RASGRF1: variants seen among roughly 807,000 people sequenced by gnomAD.
The protein encoded by RASGRF1 is Ras protein specific guanine nucleotide releasing factor 1.
Under a neutral mutation model 138.7 loss-of-function variants are expected in RASGRF1, and 40 were observed. The ratio of observed to expected loss-of-function variants is 0.29; its 90% CI spans 0.22 to 0.38. The LOEUF (loss-of-function observed/expected upper bound fraction) is 0.38, where lower values mean the gene tolerates loss of function less well. RASGRF1 is among the 10% of genes least tolerant of loss of function. The pLI is 1.00. For synonymous variants in RASGRF1, 614 were observed against 663.2 expected, an observed-to-expected ratio of 0.93 and a Z score of 1.14; for missense variants, 1,108 against 1,650.4, an observed-to-expected ratio of 0.67 and a Z score of 5.69.
chr15:79,058,532 C>T (rs764776745), intron 2 of RASGRF1, 51 bp from the exon 3 acceptor site: 59 of 1,599,390 alleles, frequency 3.7e-5, no homozygotes, highest in East Asian at 6.7e-5. Context: ...TGTCCTCTGG[C>T]GAACCAAGCA....
At chr15:79,033,848 C>T (rs34730957) in intron 6 of RASGRF1, among the ~76,000 whole-genome samples, 8,875 of 152,224 alleles carry the variant, frequency 0.058, 337 homozygotes, top group East Asian at 0.18. Context: ...CCTCAGCCTC[C>T]CACAGTGCTG....
At chr15:78,996,240 G>A (rs58373419) in intron 19 of RASGRF1, among the ~76,000 whole-genome samples, 22,058 of 152,248 alleles carry the variant, frequency 0.14, 1,656 homozygotes, top group Admixed American at 0.16. Context: ...GCCCAGAGGA[G>A]GGACTGCAAG....
chr15:79,081,790 C>G (rs2057917518), intron 1 of RASGRF1, among the ~76,000 whole-genome samples: 1 of 152,192 alleles, frequency 6.6e-6, no homozygotes, highest in African/African-American at 2.4e-5. Flanking sequence ...AGGCATAGGC[C>G]TGGCCCCTCA....
intron 22 of RASGRF1, among the ~76,000 whole-genome samples, chr15:78,988,841 T>TG (rs1248743747): frequency 1.4e-5 from 2 of 146,470 alleles, no homozygotes; most frequent in East Asian, 4.0e-4. Flanking sequence ...GGGAGGGAGT[T>TG]TTTTTTTTTT....
chr15:79,017,728 T>C, intron 12 of RASGRF1, 42 bp downstream of exon 12: 1 of 1,565,902 alleles, frequency 6.4e-7, no homozygotes. Context: ...TGGTTAGGCA[T>C]GAAGGGACCA....
At chr15:78,971,417 A>G (rs1004844558) in intron 26 of RASGRF1, among the ~76,000 whole-genome samples, 4 of 152,226 alleles carry the variant, frequency 2.6e-5, no homozygotes, top group Non-Finnish European at 5.9e-5. Flanking sequence ...TATGCTAGAG[A>G]ATGGTATGCA....
chr15:79,035,876 T>G (rs569020888), intron 5 of RASGRF1, among the ~76,000 whole-genome samples: 1 of 152,314 alleles, frequency 6.6e-6, no homozygotes, highest in East Asian at 1.9e-4. Context: ...GCCCCCGCTG[T>G]TTGGAATCAA....
intron 15 of RASGRF1, among the ~76,000 whole-genome samples, chr15:79,002,508 G>T (rs781519137): frequency 6.6e-6 from 1 of 152,020 alleles, no homozygotes; most frequent in Non-Finnish European, 1.5e-5. Flanking sequence ...ATGTCCACAG[G>T]CACATGCACA....
intron 3 of RASGRF1, among the ~76,000 whole-genome samples, chr15:79,054,764 T>C (rs2057487751): frequency 6.6e-6 from 1 of 152,206 alleles, no homozygotes; most frequent in South Asian, 2.1e-4. Flanking sequence ...TACTGCAGCA[T>C]AATCTAGCCT....
chr15:79,016,033 T>G (rs1217808565), intron 12 of RASGRF1, among the ~76,000 whole-genome samples: 3 of 152,206 alleles, frequency 2.0e-5, no homozygotes, highest in Non-Finnish European at 2.9e-5. Context: ...ATCCAAATTT[T>G]GCTTTGAATA....
chr15:79,043,746 C>G (rs929375394), intron 5 of RASGRF1, among the ~76,000 whole-genome samples: 3 of 152,178 alleles, frequency 2.0e-5, no homozygotes, highest in African/African-American at 7.2e-5. Context: ...GTGGAGGATG[C>G]CACTCATCTT....
chr15:79,062,225 C>A (rs752720732), intron 2 of RASGRF1, among the ~76,000 whole-genome samples: 1 of 152,130 alleles, frequency 6.6e-6, no homozygotes, highest in East Asian at 1.9e-4. Flanking sequence ...TTTACAAAGC[C>A]CCTTCACATA....
chr15:79,004,101 G>A lies in RASGRF1; in HGVS notation c.2150C>T (p.Ala717Val). ...LYGEPPKSPR[A>V]TRKFSSPPPL... is the part of the protein sequence containing the mutation. ...TGGCGGCGAGGAGAACTTGCGGGTG[G>A]CGCGCGGGGACTTGGGGGGTTCACC... Residue 717 changes from alanine (A) to valine (V), a missense_variant, in exon 15 of 27, where the codon GCC becomes GTC. Transcript: ENST00000558480. 2 of 1,613,906 alleles carry A rather than the reference G, an allele frequency of 1.2e-6. No individual in the cohort carries two copies. Among genetic ancestry groups the A allele is most frequent in the Non-Finnish European group, 1.7e-6 (2 of 1,179,984 alleles).
At chr15:79,059,797 C>T (rs12911829) in intron 2 of RASGRF1, among the ~76,000 whole-genome samples, 34,775 of 151,950 alleles carry the variant, frequency 0.23, 4,250 homozygotes, top group East Asian at 0.42. Context: ...ACATACAGCG[C>T]GAGAGAACAT....
chr15:78,984,815 A>G, intron 23 of RASGRF1, 192 bp downstream of exon 23: 1 of 636,060 alleles, frequency 1.6e-6, no homozygotes, highest in South Asian at 1.8e-5. Context: ...TCCAGGTCTC[A>G]CTGCCATATC....
intron 3 of RASGRF1, among the ~76,000 whole-genome samples, chr15:79,053,290 G>C (rs2057457855): frequency 6.6e-6 from 1 of 152,156 alleles, no homozygotes; most frequent in Non-Finnish European, 1.5e-5. Context: ...CTGATTCCAA[G>C]GCTAAGTCTT....
rs74442945 is a variant in RASGRF1 at position 79,007,470 on chromosome 15, T to C, written c.1827-1036A>G. On this transcript the variant is annotated intron_variant, in intron 13 of 26. Transcript: ENST00000558480. ...CTACCAAGAATCTTAGAATCAAATA[T>C]AGTGCTCATTTCTTTTTATTTACTT... Among the ~76,000 whole-genome samples, 495 of 152,268 alleles carry C rather than the reference T, an allele frequency of 3.3e-3. 7 individuals carry two copies. The highest frequency in any genetic ancestry group is 0.011 in the African/African-American group (448 of 41,540).
Position 79,071,653 on chromosome 15 carries a change from A to G in RASGRF1, c.277-7127T>C, listed in dbSNP as rs554880644. On this transcript the variant is annotated intron_variant, in intron 1 of 26. Transcript: ENST00000558480. ...CCAAAGTACTGGGATCATAGTTGTGAGCCACTGTGCCTGGCCCTCTGCAGC... is the reference window on the plus strand; with the variant it reads ...CCAAAGTACTGGGATCATAGTTGTGGGCCACTGTGCCTGGCCCTCTGCAGC... Among the ~76,000 whole-genome samples the G allele has an allele frequency of 4.0e-5, 6 of 151,708 alleles. No individual in the cohort carries two copies. In the South Asian group the frequency reaches 1.0e-3, roughly 26 times the overall value.
intron 1 of RASGRF1, among the ~76,000 whole-genome samples, chr15:79,081,455 G>A (rs1015326018): frequency 6.6e-6 from 1 of 152,144 alleles, no homozygotes; most frequent in African/African-American, 2.4e-5. Flanking sequence ...CACACAGATC[G>A]GAGCAGCCCC....
Sources: gnomAD v4.1 joint callset for allele counts (sites outside exome capture counted in the v4.1 genomes callset) on GRCh38, gnomAD v4.1.1 for gene constraint, MANE v1.5 for transcripts, NCBI Gene and HGNC (gene_info 2026-07-23, HGNC 2026-07-21) for gene names.